NRXN3: variants seen among roughly 807,000 people sequenced by gnomAD.
The protein encoded by NRXN3 is neurexin III.
NRXN3 carries 32 observed loss-of-function variants against 137.6 expected under a neutral mutation model. The ratio of observed to expected loss-of-function variants is 0.23; its 90% CI spans 0.18 to 0.31. The LOEUF (loss-of-function observed/expected upper bound fraction) is 0.31. Ranked by LOEUF, NRXN3 falls within the 10% of genes least tolerant of loss-of-function variation. The pLI, the probability that NRXN3 is intolerant of heterozygous loss-of-function variation, is 1.00. For missense variants in NRXN3, 1,574 were observed against 2,062.5 expected, an observed-to-expected ratio of 0.76 and a Z score of 4.59; for synonymous variants, 798 against 784.5, an observed-to-expected ratio of 1.02 and a Z score of -0.29.
chr14:79,758,513 C>T lies in NRXN3; in HGVS notation c.4015-46599C>T, dbSNP rs532886475. Among the ~76,000 whole-genome samples the T allele has an allele frequency of 3.9e-5, 6 of 152,264 alleles. No homozygotes were observed. In the South Asian group the frequency reaches 8.3e-4, roughly 21 times the overall value. ...CGAGGAAGGCACCAAGCCATTCATGCGGGATCTGCCCCATGACCAAACACC... is the reference window on the plus strand; with the variant it reads ...CGAGGAAGGCACCAAGCCATTCATGTGGGATCTGCCCCATGACCAAACACC... On this transcript the variant is annotated intron_variant, in intron 19 of 20. Transcript: ENST00000335750.
intron 4 of NRXN3, among the ~76,000 whole-genome samples, chr14:78,329,166 T>C (rs1208359577): frequency 6.6e-6 from 1 of 152,184 alleles, no homozygotes; most frequent in Admixed American, 6.6e-5. Context: ...AATAATATAG[T>C]AATTACAAAG....
chr14:79,257,559 A>ATGGTGGTGGTGGTGATGG (rs1555900291), intron 15 of NRXN3, among the ~76,000 whole-genome samples: 3 of 18,300 alleles, frequency 1.6e-4, no homozygotes, highest in East Asian at 2.0e-3. Context: ...GGTGGTGGTG[A>ATGGTGGTGGTGGTGATGG]TGGTGGTGGT....
intron 10 of NRXN3, among the ~76,000 whole-genome samples, chr14:78,860,237 G>A (rs955878832): frequency 2.6e-5 from 4 of 152,090 alleles, no homozygotes; most frequent in African/African-American, 9.7e-5. Flanking sequence ...TGATTTATTA[G>A]CTATTACATA....
At chr14:79,569,809 A>G (rs2097583010) in intron 16 of NRXN3, among the ~76,000 whole-genome samples, 3 of 152,090 alleles carry the variant, frequency 2.0e-5, no homozygotes, top group African/African-American at 7.2e-5. Context: ...GGGTTTTGCC[A>G]TGTTGGCCAG....
intron 15 of NRXN3, among the ~76,000 whole-genome samples, chr14:79,403,599 G>A (rs2095254011): frequency 6.6e-6 from 1 of 152,114 alleles, no homozygotes; most frequent in African/African-American, 2.4e-5. Flanking sequence ...TTTGCATGGA[G>A]GGAGTGAGTA....
chr14:79,614,693 G>T (rs1603109702), intron 16 of NRXN3, among the ~76,000 whole-genome samples: 1 of 151,432 alleles, frequency 6.6e-6, no homozygotes, highest in African/African-American at 2.4e-5. Flanking sequence ...CTTCTCCTGT[G>T]CCCAGCAAAA....
intron 10 of NRXN3, among the ~76,000 whole-genome samples, chr14:78,850,677 C>T (rs2099040122): frequency 6.6e-6 from 1 of 152,060 alleles, no homozygotes; most frequent in African/African-American, 2.4e-5. Context: ...GGGAAACCAT[C>T]AGAATTGCAA....
intron 4 of NRXN3, among the ~76,000 whole-genome samples, chr14:78,347,647 A>T (rs1339083619): frequency 2.0e-5 from 3 of 152,160 alleles, no homozygotes; most frequent in African/African-American, 7.2e-5. Context: ...CTGTTGTGCC[A>T]CAAAACTCTC....
intron 8 of NRXN3, among the ~76,000 whole-genome samples, chr14:78,720,900 A>G (rs1428884044): frequency 6.6e-6 from 1 of 152,210 alleles, no homozygotes; most frequent in African/African-American, 2.4e-5. Context: ...GCATTAACAT[A>G]GAGATTCCAT....
intron 20 of NRXN3, among the ~76,000 whole-genome samples, chr14:79,809,873 AC>A (rs2099225405): frequency 6.6e-6 from 1 of 152,188 alleles, no homozygotes. Context: ...CATTCAAATA[AC>A]CCCTAGGAAA....
intron 16 of NRXN3, among the ~76,000 whole-genome samples, chr14:79,484,266 C>T (rs2096635591): frequency 6.6e-6 from 1 of 152,248 alleles, no homozygotes; most frequent in Admixed American, 6.5e-5. Context: ...GATTTGCATA[C>T]AGAAGTTAAC....
chr14:79,658,214 A>G (rs1010932199), intron 16 of NRXN3, among the ~76,000 whole-genome samples: 1 of 152,158 alleles, frequency 6.6e-6, no homozygotes, highest in Non-Finnish European at 1.5e-5. Context: ...TATTGTGTGA[A>G]TTCTCTTGTA....
intron 15 of NRXN3, among the ~76,000 whole-genome samples, chr14:79,393,423 G>A (rs2094918629): frequency 6.6e-6 from 1 of 152,156 alleles, no homozygotes; most frequent in Non-Finnish European, 1.5e-5. Flanking sequence ...TACTTTCTCC[G>A]AATGAAGTTC....
intron 4 of NRXN3, among the ~76,000 whole-genome samples, chr14:78,581,246 G>A (rs761409345): frequency 6.6e-6 from 1 of 152,142 alleles, no homozygotes; most frequent in Non-Finnish European, 1.5e-5. Flanking sequence ...CATTTGTGCT[G>A]CTGGAACAAA....
chr14:79,546,459 G>T (rs2097321655), intron 16 of NRXN3, among the ~76,000 whole-genome samples: 1 of 152,140 alleles, frequency 6.6e-6, no homozygotes, highest in African/African-American at 2.4e-5. Context: ...TTAATGCTAA[G>T]TTACATTTCC....
At chr14:78,457,048 G>C (rs8010016) in intron 4 of NRXN3, among the ~76,000 whole-genome samples, 109,579 of 127,252 alleles carry the variant, frequency 0.86, 47,584 homozygotes, top group Non-Finnish European at 0.92. Context: ...CCTCTCCCCC[G>C]CCACCTCCTC....
chr14:79,774,141 G>C (rs551487376), intron 19 of NRXN3, among the ~76,000 whole-genome samples: 4 of 152,240 alleles, frequency 2.6e-5, no homozygotes, highest in Admixed American at 1.3e-4. Context: ...TCAAGTAGTG[G>C]AAAGTTATAA....
intron 8 of NRXN3, among the ~76,000 whole-genome samples, chr14:78,716,059 G>A (rs1050579019): frequency 2.0e-5 from 3 of 152,128 alleles, no homozygotes; most frequent in Non-Finnish European, 2.9e-5. Context: ...TTGGGGTGGG[G>A]AGGAGGGGCA....
intron 17 of NRXN3, among the ~76,000 whole-genome samples, chr14:79,666,525 A>C (rs566602880): frequency 1.3e-5 from 2 of 152,102 alleles, no homozygotes; most frequent in Non-Finnish European, 2.9e-5. Flanking sequence ...ATAAAAACAG[A>C]GACCCAAGGA....
Sources: allele counts gnomAD v4.1 joint callset (sites outside exome capture counted in the v4.1 genomes callset), GRCh38; gene constraint gnomAD v4.1.1; transcripts MANE v1.5; gene names NCBI Gene and HGNC (gene_info 2026-07-23, HGNC 2026-07-21).